The following KDM6B variants were observed in gnomAD, a reference collection of about 807,000 sequenced individuals.
KDM6B encodes the protein lysine-specific demethylase 6B.
Under a neutral mutation model 150.4 loss-of-function variants are expected in KDM6B, and 22 were observed. That is an observed-to-expected ratio of 0.15 (90% CI 0.10 to 0.21). The LOEUF (loss-of-function observed/expected upper bound fraction) is 0.21, where lower values mean the gene tolerates loss of function less well. Among genes scored for constraint, KDM6B ranks in the 10% least tolerant of loss-of-function variants. The probability of loss-of-function intolerance (pLI) is 1.00; values close to 1 mark genes in which losing one functional copy is unlikely to be tolerated. For synonymous variants in KDM6B, 1,148 were observed against 921.1 expected, an observed-to-expected ratio of 1.25 and a Z score of -4.46; for missense variants, 1,984 against 2,234.3, an observed-to-expected ratio of 0.89 and a Z score of 2.26.
chr17:7,846,458 C>A lies in KDM6B; in HGVS notation c.515C>A (p.Pro172Gln), dbSNP rs138166904. The A allele has an allele frequency of 9.3e-6, 15 of 1,613,818 alleles. No homozygotes were observed. The highest frequency in any genetic ancestry group is 4.4e-5 in the South Asian group (4 of 91,076). Residue 172 changes from proline to glutamine, a missense_variant, in exon 8 of 24, where the codon CCA becomes CAA. Transcript: ENST00000448097. ...CAGCACCGAGCCAAGGTCCTGCCCCCACTGGAGCAAGTGTGGAACTTGCTA... is the reference window on the plus strand; with the variant it reads ...CAGCACCGAGCCAAGGTCCTGCCCCAACTGGAGCAAGTGTGGAACTTGCTA... ...SCQHRAKVLP[P>Q]LEQVWNLLHL...
chr17:7,851,409 T>C lies in KDM6B; in HGVS notation c.3944+15T>C. The C allele has an allele frequency of 6.2e-7, 1 of 1,614,142 alleles. No individual in the cohort carries two copies. The highest frequency in any genetic ancestry group is 8.5e-7 in the Non-Finnish European group (1 of 1,180,004). ...ACCCCTCCTAGGTACTGTGCAGGTG[T>C]GCCCCTTCTGTTCCTGCTTCCTTCC... On this transcript the variant is annotated intron_variant, in intron 16 of 23. Transcript: ENST00000448097.
At position 7,843,646 on chromosome 17, in the gene KDM6B, C is replaced by G. The variant is rs967334835; in HGVS notation, c.-268-1255C>G. On this transcript the variant is annotated intron_variant, in intron 2 of 23. Transcript: ENST00000448097. This position sits in a 1 kb window ranked among gnomAD's most constrained non-coding sequence, Gnocchi z 4.5. Reference sequence around the variant, plus strand: ...CAGCCCCTCGTCGCGCACTCTCCCCCGGCTTCCTGCCCGGCGCTCGCTCCA... The same window carrying G: ...CAGCCCCTCGTCGCGCACTCTCCCCGGGCTTCCTGCCCGGCGCTCGCTCCA... 1.3e-5 allele frequency among the ~76,000 whole-genome samples: 2 copies of G among 152,134 alleles called. No homozygotes were observed. Among genetic ancestry groups the G allele is most frequent in the Admixed American group, 6.5e-5 (1 of 15,286 alleles).
rs144885000 is a variant in KDM6B, at chr17:7,844,548, T to C, written c.-268-353T>C. On this transcript the variant is annotated intron_variant, in intron 2 of 23. Transcript: ENST00000448097. This position sits in a 1 kb window ranked among gnomAD's most constrained non-coding sequence, Gnocchi z 5.9. ...AAGTGAGGAAGGGGAGGGACGTCTT[T>C]TTTGCGTTCTGCATCCGTCTGTCGT... is the stretch of plus-strand genomic sequence containing the variant. Among the ~76,000 whole-genome samples the C allele has an allele frequency of 0.012, 1,767 of 152,112 alleles. 19 individuals carry two copies. The highest frequency in any genetic ancestry group is 0.018 in the Non-Finnish European group (1,249 of 67,958).
rs1408052122 is a variant in KDM6B at position 7,843,322 on chromosome 17, C to T, written c.-268-1579C>T. On this transcript the variant is annotated intron_variant, in intron 2 of 23. Transcript: ENST00000448097. The surrounding 1 kb of genome is among the most constrained non-coding windows in gnomAD (Gnocchi z 4.5). ...AGGGCCATACTTGACCACAGTTCAG[C>T]GCCGTACCTGGCTTGGTTACTGATG... Among the ~76,000 whole-genome samples, 1 of 152,146 alleles carries T rather than the reference C, an allele frequency of 6.6e-6. No homozygotes were observed. Among genetic ancestry groups the T allele is most frequent in the Non-Finnish European group, 1.5e-5 (1 of 68,024 alleles).
chr17:7,847,511 A>G, intron 11 of KDM6B, 35 bp from the exon 12 acceptor site: 1 of 1,613,282 alleles, frequency 6.2e-7, no homozygotes, highest in Non-Finnish European at 8.5e-7. Flanking sequence ...AGGCAGCCCG[A>G]GCAATGCTCC....
chr17:7,850,924 G>A, intron 14 of KDM6B, 97 bp from the exon 15 acceptor site: 1 of 1,125,592 alleles, frequency 8.9e-7, no homozygotes, highest in Non-Finnish European at 1.3e-6. Context: ...TGACCACCCT[G>A]TCAGAGCCAG....
rs1379077713 is a variant in KDM6B at position 7,854,430 on chromosome 17, A to T, written c.*909A>T. ...TGTAAAAAAAATAAATAAAATAAAAAAATTAAAGGTTTTAAAGAAAGAACT... is the reference window on the plus strand; with the variant it reads ...TGTAAAAAAAATAAATAAAATAAAATAATTAAAGGTTTTAAAGAAAGAACT... On this transcript the variant is annotated 3_prime_UTR_variant, in exon 24 of 24. Coordinates refer to ENST00000448097, the MANE Select transcript of KDM6B (RefSeq NM_001348716.2). 1.3e-5 allele frequency: 2 copies of T among 152,380 alleles called. No individual in the cohort carries two copies. The highest frequency in any genetic ancestry group is 4.8e-5 in the African/African-American group (2 of 41,424). 9.4% of individuals were successfully genotyped at this position (152,380 alleles called of 1,614,324 possible).
intron 1 of KDM6B, among the ~76,000 whole-genome samples, chr17:7,835,116 CA>C (rs2078307003): frequency 6.6e-6 from 1 of 152,104 alleles, no homozygotes; most frequent in Non-Finnish European, 1.5e-5. Context: ...CTGAGGCCCC[CA>C]CTTGACTTCC....
intron 19 of KDM6B, 32 bp downstream of exon 19, chr17:7,852,097 G>A (rs763312684): frequency 6.2e-7 from 1 of 1,613,466 alleles, no homozygotes; most frequent in Non-Finnish European, 8.5e-7. Flanking sequence ...TCAGACTGCC[G>A]CGTCCCCGCC....
At chr17:7,837,390 C>T (rs1374776243) in intron 1 of KDM6B, among the ~76,000 whole-genome samples, 1 of 152,210 alleles carries the variant, frequency 6.6e-6, no homozygotes, top group African/African-American at 2.4e-5. Flanking sequence ...CAGTATTAGG[C>T]TGAAAAGTCA....
At chr17:7,834,470 A>G (rs2078290204) in intron 1 of KDM6B, among the ~76,000 whole-genome samples, 120 bp downstream of exon 1, 1 of 152,012 alleles carries the variant, frequency 6.6e-6, no homozygotes, top group South Asian at 2.1e-4. Flanking sequence ...TGGGAAGGGC[A>G]CTGGGAAGAA....
At position 7,844,375 on chromosome 17, in the gene KDM6B, C is replaced by A. The variant is rs982929978; in HGVS notation, c.-268-526C>A. 6.6e-6 allele frequency: 1 copy of A among 151,982 alleles called. No individual in the cohort carries two copies. The highest frequency in any genetic ancestry group is 1.5e-5 in the Non-Finnish European group (1 of 68,120). The allele number at this position is 151,982 out of a possible 1,614,324, so 9.4% of individuals were successfully genotyped here. ...CTGGGTATGAGACTGGGGGCTTGACCAAGGTTTGGGTCGGGGTCAGGCGTT... is the reference window on the plus strand; with the variant it reads ...CTGGGTATGAGACTGGGGGCTTGACAAAGGTTTGGGTCGGGGTCAGGCGTT... On this transcript the variant is annotated intron_variant, in intron 2 of 23. Transcript: ENST00000448097. The surrounding 1 kb of genome is among the most constrained non-coding windows in gnomAD (Gnocchi z 5.9).
At chr17:7,846,371 G>GGGGGGGGGGCGGGGGGCCCCCCCCC in intron 7 of KDM6B, 29 bp from the exon 8 acceptor site, 1 of 1,488,924 alleles carries the variant, frequency 6.7e-7, no homozygotes, top group Non-Finnish European at 9.2e-7. Flanking sequence ...CCTGACATCT[G>GGGGGGGGGGCGGGGGGCCCCCCCCC]CCCCTGCCCC....
chr17:7,849,741 C>T lies in KDM6B; in HGVS notation c.3440+13C>T. 5 of 1,612,552 alleles carry T rather than the reference C, an allele frequency of 3.1e-6. No homozygotes were observed. Among genetic ancestry groups the T allele is most frequent in the Non-Finnish European group, 4.2e-6 (5 of 1,180,026 alleles). On this transcript the variant is annotated intron_variant, in intron 12 of 23. Transcript: ENST00000448097. ...TGCGCGCCAGCAGGTGAGTCGGCTG[C>T]CTGCTTGCTTGTCCCGGAGACAGGC...
At position 7,851,808 on chromosome 17, in the gene KDM6B, G is replaced by C. The variant is rs757825809; in HGVS notation, c.4165+12G>C. On this transcript the variant is annotated intron_variant, in intron 18 of 23. Coordinates refer to ENST00000448097, the MANE Select transcript of KDM6B (RefSeq NM_001348716.2). ...CAGCCGAACGCCAGGTGCGCTCCAC[G>C]CCTGTGCGCGCTGATGCTGGAAGCG... 1 of 1,555,920 alleles carries C rather than the reference G, an allele frequency of 6.4e-7. No individual in the cohort carries two copies. The highest frequency in any genetic ancestry group is 1.2e-5 in the South Asian group (1 of 85,456).
rs370058561 is a variant in KDM6B at position 7,847,160 on chromosome 17, C to G, written c.965C>G (p.Ala322Gly). The G allele has an allele frequency of 6.2e-7, 1 of 1,607,306 alleles. No homozygotes were observed. The highest frequency in any genetic ancestry group is 1.1e-5 in the South Asian group (1 of 91,090). The change falls in exon 11 of 24, where the codon GCG becomes GGG. Residue 322 changes from alanine to glycine, a missense_variant. By Grantham distance (60) the Ala-to-Gly change is moderately conservative. Coordinates refer to ENST00000448097, the MANE Select transcript of KDM6B (RefSeq NM_001348716.2). Reference protein sequence around the residue: ...PYPYPAPAYTAHPPGHRLVPA... With the variant: ...PYPYPAPAYTGHPPGHRLVPA... Reference sequence around the variant, plus strand: ...CCATACCCAGCTCCAGCGTACACCGCGCACCCCCCTGGCCACCGGCTGGTC... The same window carrying G: ...CCATACCCAGCTCCAGCGTACACCGGGCACCCCCCTGGCCACCGGCTGGTC...
intron 7 of KDM6B, 46 bp from the exon 8 acceptor site, chr17:7,846,354 T>C: frequency 6.4e-7 from 1 of 1,567,100 alleles, no homozygotes; most frequent in South Asian, 1.2e-5. Context: ...TCTGGCTCAG[T>C]GCCCCACCTG....
At chr17:7,846,378 C>CGGGGG in intron 7 of KDM6B, 22 bp from the exon 8 acceptor site, 1 of 599,612 alleles carries the variant, frequency 1.7e-6, no homozygotes, top group African/African-American at 2.0e-5. Flanking sequence ...TCTGCCCCTG[C>CGGGGG]CCCGTGTCCC....
chr17:7,848,514 C>A lies in KDM6B; in HGVS notation c.2226C>A (p.Pro742=), dbSNP rs1182649338. Reference sequence around the variant, plus strand: ...CTCCTTTCCCCACCGACACAGCCCCCACCACTACTGCTCCTGCTGTCGCCG... The same window carrying A: ...CTCCTTTCCCCACCGACACAGCCCCAACCACTACTGCTCCTGCTGTCGCCG... ...LQSPFPTDTA[P]TTTAPAVAVT... is the part of the protein sequence containing the mutation. The change falls in exon 12 of 24, where the codon CCC becomes CCA. Residue 742 remains proline (P), a synonymous_variant. Transcript: ENST00000448097. The A allele has an allele frequency of 1.2e-6, 2 of 1,611,926 alleles. No individual in the cohort carries two copies. Among genetic ancestry groups the A allele is most frequent in the Non-Finnish European group, 1.7e-6 (2 of 1,179,844 alleles).
Sources: allele counts gnomAD v4.1 joint callset (sites outside exome capture counted in the v4.1 genomes callset), GRCh38; gene constraint gnomAD v4.1.1; non-coding constraint Gnocchi (gnomAD v3.1); transcripts MANE v1.5; gene names NCBI Gene and HGNC (gene_info 2026-07-23, HGNC 2026-07-21).